LARP1: variants seen among roughly 807,000 people sequenced by gnomAD.
LARP1 encodes the protein La ribonucleoprotein 1, translational regulator.
Under a neutral mutation model 122.7 loss-of-function variants are expected in LARP1, and 36 were observed. The ratio of observed to expected loss-of-function variants is 0.29; its 90% CI spans 0.22 to 0.39. The LOEUF (loss-of-function observed/expected upper bound fraction) is 0.39, where lower values mean the gene tolerates loss of function less well. LARP1 is among the 10% of genes least tolerant of loss of function. The probability of loss-of-function intolerance (pLI) is 1.00; values close to 1 mark genes in which losing one functional copy is unlikely to be tolerated. For missense variants in LARP1, 1,040 were observed against 1,403.6 expected (o/e 0.74, Z 4.14); for synonymous variants, 539 against 528.7 (o/e 1.02, Z -0.27).
intron 1 of LARP1, among the ~76,000 whole-genome samples, chr5:154,777,585 C>A (rs1408259358): frequency 1.3e-5 from 2 of 152,066 alleles, no homozygotes; most frequent in Non-Finnish European, 2.9e-5. Flanking sequence ...CTTCTTCATA[C>A]CCCCTGCTTC....
chr5:154,712,716 C>T (rs1216466864), upstream of LARP1, among the ~76,000 whole-genome samples: 4 of 152,156 alleles, frequency 2.6e-5, no homozygotes, highest in African/African-American at 4.8e-5. Context: ...TGCCTCTAGC[C>T]TAGCTGTGCT....
intron 1 of LARP1, among the ~76,000 whole-genome samples, chr5:154,767,815 G>A (rs1474812146): frequency 6.6e-6 from 1 of 152,148 alleles, no homozygotes; most frequent in Admixed American, 6.5e-5. Flanking sequence ...CCTAGTTTTG[G>A]AGCCCAGTGT....
At chr5:154,733,630 T>C (rs532981206) in intron 1 of LARP1, among the ~76,000 whole-genome samples, 51 of 152,200 alleles carry the variant, frequency 3.4e-4, no homozygotes, top group Admixed American at 2.9e-3. Context: ...TGGTGCCATC[T>C]TGGCTTACTG....
At chr5:154,748,647 A>G (rs746982136) in intron 1 of LARP1, among the ~76,000 whole-genome samples, 1 of 152,190 alleles carries the variant, frequency 6.6e-6, no homozygotes, top group Admixed American at 6.5e-5. Flanking sequence ...ATGAAAGGGA[A>G]TATTACTTAG....
chr5:154,765,868 C>T (rs754992604), intron 1 of LARP1, among the ~76,000 whole-genome samples: 1 of 152,226 alleles, frequency 6.6e-6, no homozygotes, highest in Non-Finnish European at 1.5e-5. Context: ...ATTTTGAGTG[C>T]TTACCATGTG....
At chr5:154,712,815 C>A, upstream of LARP1, 1 of 967,378 alleles carries the variant, frequency 1.0e-6, no homozygotes, top group Non-Finnish European at 1.6e-6. Context: ...GGAAGGAAAA[C>A]TAGCCTGGCA....
intron 4 of LARP1, among the ~76,000 whole-genome samples, chr5:154,793,318 A>G (rs1757480501): frequency 6.6e-6 from 1 of 152,158 alleles, no homozygotes; most frequent in Non-Finnish European, 1.5e-5. Flanking sequence ...CATGGTCTTC[A>G]TCCTGGGCTG....
exon 1 of LARP1, among the ~76,000 whole-genome samples, chr5:154,683,002 G>C (rs1464407960): frequency 6.6e-6 from 1 of 152,184 alleles, no homozygotes; most frequent in African/African-American, 2.4e-5. Flanking sequence ...TCGCTGCTGC[G>C]GCGCTGCCGG....
At position 154,721,655 on chromosome 5, in the gene LARP1, C is replaced by T. The variant is rs780584181; in HGVS notation, c.205+8525C>T. On this transcript the variant is annotated intron_variant, in intron 1 of 18. Transcript: ENST00000336314. The stretch of plus-strand genomic sequence containing the variant: ...CAAGAGTCAGGAAACTGGAATTCAA[C>T]ATCCTAGTTCTGCTGCTAAGGTTTC... Among the ~76,000 whole-genome samples, 15 of 152,328 alleles carry T rather than the reference C, an allele frequency of 9.8e-5. No homozygotes were observed. In the Middle Eastern group the frequency reaches 0.01, roughly 104 times the overall value.
intron 3 of LARP1, 87 bp downstream of exon 3, chr5:154,790,797 T>G: frequency 4.3e-6 from 5 of 1,160,970 alleles, no homozygotes; most frequent in Non-Finnish European, 6.4e-6. Context: ...GCCTCAGCTC[T>G]TACCTTTCTC....
Position 154,792,737 on chromosome 5 carries a change from A to G in LARP1, c.680A>G (p.Glu227Gly). ...GAGAGTCCAAAAACCAAATCAGATG[A>G]ATCAGGGGAGGAAAAGAATGGAGAT... Reference protein sequence around the residue: ...SKESPKTKSDESGEEKNGDED... With the variant: ...SKESPKTKSDGSGEEKNGDED... Residue 227 changes from glutamate (E) to glycine (G), a missense_variant, in exon 4 of 19, where the codon GAA becomes GGA. By Grantham distance (98) the Glu-to-Gly change is moderately conservative. This residue lies in a region of LARP1 where 257 missense variants were observed against 273.3 expected (regional missense o/e 0.94). Coordinates refer to ENST00000518297, the MANE Select transcript of LARP1 (RefSeq NM_033551.3). 6.2e-7 allele frequency: 1 copy of G among 1,614,200 alleles called. No individual in the cohort carries two copies. Among genetic ancestry groups the G allele is most frequent in the Non-Finnish European group, 8.5e-7 (1 of 1,180,040 alleles).
intron 1 of LARP1, among the ~76,000 whole-genome samples, chr5:154,733,269 AC>A (rs1301913241): frequency 6.6e-6 from 1 of 152,226 alleles, no homozygotes; most frequent in African/African-American, 2.4e-5. Context: ...AAGTTACGAC[AC>A]CGTGTTGGTC....
intron 1 of LARP1, chr5:154,685,739 A>AG (rs11372758): frequency 0.65 from 299,800 of 461,102 alleles, 99,547 homozygotes; most frequent in Non-Finnish European, 0.69. Context: ...TGGGAGGCCA[A>AG]GTGGGAGAAA....
chr5:154,757,730 G>C (rs911897274), intron 1 of LARP1, among the ~76,000 whole-genome samples: 1 of 151,866 alleles, frequency 6.6e-6, no homozygotes, highest in African/African-American at 2.4e-5. Context: ...GCTTCATTTG[G>C]AGGAGGGGAC....
chr5:154,732,342 G>C (rs1582231582), intron 1 of LARP1, among the ~76,000 whole-genome samples: 1 of 152,250 alleles, frequency 6.6e-6, no homozygotes, highest in Middle Eastern at 3.4e-3. Flanking sequence ...AATTTTGAGT[G>C]AGCTTATTTA....
intron 1 of LARP1, among the ~76,000 whole-genome samples, chr5:154,694,811 A>G (rs936656746): frequency 1.1e-4 from 17 of 152,062 alleles, no homozygotes; most frequent in African/African-American, 3.9e-4. Flanking sequence ...AATTGTTGCT[A>G]TGTGATTGAT....
chr5:154,745,943 G>A (rs1446612160), intron 1 of LARP1, among the ~76,000 whole-genome samples: 1 of 152,018 alleles, frequency 6.6e-6, no homozygotes, highest in Non-Finnish European at 1.5e-5. Context: ...TTACAGGTAC[G>A]CGCCACCACG....
intron 1 of LARP1, among the ~76,000 whole-genome samples, chr5:154,783,801 G>A (rs1343794775): frequency 6.6e-6 from 1 of 152,148 alleles, no homozygotes; most frequent in African/African-American, 2.4e-5. Context: ...GTGCATCTGC[G>A]ATTTGCTGCT....
intron 1 of LARP1, among the ~76,000 whole-genome samples, chr5:154,788,592 A>G (rs1260796908): frequency 6.6e-6 from 1 of 152,096 alleles, no homozygotes; most frequent in Non-Finnish European, 1.5e-5. Context: ...GCAAAGTGAT[A>G]GGGGAGAAGT....
Sources: gnomAD v4.1 joint callset for allele counts (sites outside exome capture counted in the v4.1 genomes callset) on GRCh38, gnomAD v4.1.1 for gene constraint, gnomAD v4.1.1 regional missense constraint, MANE v1.5 for transcripts, NCBI Gene and HGNC (gene_info 2026-07-23, HGNC 2026-07-21) for gene names.